Variants in LRFN2 observed in about 807,000 individuals in gnomAD.
LRFN2 encodes the protein leucine rich repeat and fibronectin type III domain containing 2.
Under a neutral mutation model 37.3 loss-of-function variants are expected in LRFN2, and 18 were observed. That is an observed-to-expected ratio of 0.48 (90% CI 0.33 to 0.72). The LOEUF is 0.72. Among genes scored for constraint, LRFN2 ranks in the 30% least tolerant of loss-of-function variants. LRFN2 has a pLI of 0.02. For missense variants in LRFN2, 1,006 were observed against 1,060.7 expected (o/e 0.95, Z 0.72); for synonymous variants, 556 against 466.6 (o/e 1.19, Z -2.47).
intron 1 of LRFN2, among the ~76,000 whole-genome samples, chr6:40,478,357 C>T (rs1045518888): frequency 6.6e-6 from 1 of 152,212 alleles, no homozygotes; most frequent in African/African-American, 2.4e-5. Flanking sequence ...ATCACCACCA[C>T]CATGGTTAAT....
intron 2 of LRFN2, among the ~76,000 whole-genome samples, chr6:40,400,562 A>G (rs1221187506): frequency 1.3e-5 from 2 of 151,320 alleles, no homozygotes; most frequent in Non-Finnish European, 3.0e-5. Context: ...CTGAGATTAC[A>G]GGCATGCACC....
chr6:40,422,313 A>C (rs1347449995), intron 2 of LRFN2, among the ~76,000 whole-genome samples: 2 of 152,212 alleles, frequency 1.3e-5, no homozygotes, highest in Admixed American at 1.3e-4. Flanking sequence ...GGATTTACAG[A>C]AACTCTGTCT....
intron 2 of LRFN2, among the ~76,000 whole-genome samples, chr6:40,427,873 C>T (rs894821550): frequency 6.6e-6 from 1 of 152,200 alleles, no homozygotes; most frequent in African/African-American, 2.4e-5. Context: ...TGGGGCCCAT[C>T]AGAGCCTGGT....
At chr6:40,402,056 C>A (rs1015834522) in intron 2 of LRFN2, among the ~76,000 whole-genome samples, 1 of 152,202 alleles carries the variant, frequency 6.6e-6, no homozygotes, top group Non-Finnish European at 1.5e-5. Flanking sequence ...AGCCCTTACT[C>A]CCAGATTCTC....
intron 1 of LRFN2, 123 bp from the exon 2 acceptor site, chr6:40,433,254 G>A (rs1763560206): frequency 2.8e-6 from 2 of 707,448 alleles, no homozygotes; most frequent in South Asian, 5.5e-5. Context: ...AAGTGCTCAA[G>A]CAAGACCTAA....
At position 40,463,391 on chromosome 6, in the gene LRFN2, C is replaced by A. The variant is rs1244422951; in HGVS notation, c.-18-30260G>T. Among the ~76,000 whole-genome samples, 5 of 152,158 alleles carry A rather than the reference C, an allele frequency of 3.3e-5. No individual in the cohort carries two copies. The South Asian group carries it at 8.3e-4, about 25-fold the overall frequency. The stretch of plus-strand genomic sequence containing the variant: ...GACTAATCTCCCCTGCTCCTAGTTT[C>A]AGTATTTCATATCCTTTTTCCACTC... On this transcript the variant is annotated intron_variant, in intron 1 of 2. Transcript: ENST00000338305.
intron 1 of LRFN2, among the ~76,000 whole-genome samples, chr6:40,471,297 T>C (rs769370952): frequency 6.6e-6 from 1 of 152,110 alleles, no homozygotes; most frequent in Admixed American, 6.5e-5. Context: ...ATCCAAACCA[T>C]GGGAAGATGG....
At chr6:40,568,665 T>C (rs985558045) in intron 1 of LRFN2, among the ~76,000 whole-genome samples, 3 of 151,290 alleles carry the variant, frequency 2.0e-5, no homozygotes, top group African/African-American at 7.3e-5. Context: ...TGTCACTGGG[T>C]TACTAAACGT....
chr6:40,493,216 C>T (rs1246623866), intron 1 of LRFN2, among the ~76,000 whole-genome samples: 1 of 148,708 alleles, frequency 6.7e-6, no homozygotes, highest in Non-Finnish European at 1.5e-5. Context: ...TCTATAGATG[C>T]CCCCTGCCCT....
chr6:40,465,188 G>GAAGCTAGAGAAGCTAGA (rs1764430607), intron 1 of LRFN2, among the ~76,000 whole-genome samples: 1 of 152,220 alleles, frequency 6.6e-6, no homozygotes, highest in East Asian at 1.9e-4. Flanking sequence ...GCAGCCTCTA[G>GAAGCTAGAGAAGCTAGA]AAGCTAGAAA....
intron 2 of LRFN2, among the ~76,000 whole-genome samples, chr6:40,406,144 C>T (rs974047304): frequency 3.3e-5 from 5 of 152,220 alleles, no homozygotes; most frequent in Non-Finnish European, 2.9e-5. Flanking sequence ...GCAGTGTGAC[C>T]TTGGGCAAGC....
At chr6:40,546,954 T>A (rs1766673941) in intron 1 of LRFN2, among the ~76,000 whole-genome samples, 1 of 152,212 alleles carries the variant, frequency 6.6e-6, no homozygotes, top group Admixed American at 6.5e-5. Flanking sequence ...TGAGACAAAA[T>A]AGGACCTTCT....
chr6:40,489,338 T>C (rs1009616332), intron 1 of LRFN2, among the ~76,000 whole-genome samples: 5 of 152,180 alleles, frequency 3.3e-5, no homozygotes, highest in Admixed American at 2.0e-4. Flanking sequence ...ATAAGCTCAT[T>C]GGACCTCTTC....
chr6:40,445,327 T>C (rs565792786), intron 1 of LRFN2, among the ~76,000 whole-genome samples: 1 of 152,334 alleles, frequency 6.6e-6, no homozygotes, highest in South Asian at 2.1e-4. Context: ...CAATAACTTA[T>C]GACAAAAGGC....
chr6:40,509,560 G>C (rs1353758339), intron 1 of LRFN2, among the ~76,000 whole-genome samples: 1 of 152,210 alleles, frequency 6.6e-6, no homozygotes, highest in Non-Finnish European at 1.5e-5. Flanking sequence ...GGGCTCCGCA[G>C]GTAAGGGGTG....
rs530932489 is a variant in LRFN2, at chr6:40,565,086, G to C, written c.-19+21855C>G. Among the ~76,000 whole-genome samples the C allele has an allele frequency of 3.2e-4, 48 of 152,288 alleles. 2 individuals carry two copies. Among genetic ancestry groups the C allele is most frequent in the South Asian group, 2.5e-3 (12 of 4,816 alleles). On this transcript the variant is annotated intron_variant, in intron 1 of 2. Transcript: ENST00000338305. The stretch of plus-strand genomic sequence containing the variant: ...CTTTCCCAAACTCTAAGAAAAATTG[G>C]AGGGCAGGATGTATAAGAGCCAGGA...
intron 1 of LRFN2, among the ~76,000 whole-genome samples, chr6:40,509,278 G>T (rs919187069): frequency 6.6e-6 from 1 of 152,210 alleles, no homozygotes; most frequent in Admixed American, 6.5e-5. Flanking sequence ...ATCCCCCAAG[G>T]TGGGATCACT....
At chr6:40,488,057 A>G (rs1447168655) in intron 1 of LRFN2, among the ~76,000 whole-genome samples, 1 of 152,172 alleles carries the variant, frequency 6.6e-6, no homozygotes, top group Non-Finnish European at 1.5e-5. Flanking sequence ...AGGAGAGGGA[A>G]TATTTTCTTT....
At chr6:40,481,787 G>A (rs917659873) in intron 1 of LRFN2, among the ~76,000 whole-genome samples, 8 of 152,118 alleles carry the variant, frequency 5.3e-5, no homozygotes, top group South Asian at 2.1e-4. Context: ...TCCTGTGCCC[G>A]GGGGCAGGAG....
Sources: gnomAD v4.1 joint callset for allele counts (sites outside exome capture counted in the v4.1 genomes callset) on GRCh38, gnomAD v4.1.1 for gene constraint, MANE v1.5 for transcripts, NCBI Gene and HGNC (gene_info 2026-07-23, HGNC 2026-07-21) for gene names.